The following CFAP58 variants were observed in gnomAD, a reference collection of about 807,000 sequenced individuals.
CFAP58 encodes cilia- and flagella-associated protein 58.
A neutral mutation model predicts 119.5 loss-of-function variants in CFAP58; 88 were observed. The observed-to-expected ratio is 0.74, with a 90% CI of 0.62 to 0.88. The LOEUF is 0.88. Among genes scored for constraint, CFAP58 ranks in the 40% least tolerant of loss-of-function variants. The probability of loss-of-function intolerance (pLI) is 0.00; values close to 1 mark genes in which losing one functional copy is unlikely to be tolerated. For missense variants in CFAP58, 990 were observed against 1,021.2 expected (o/e 0.97, Z 0.42); for synonymous variants, 365 against 366.3 (o/e 1.00, Z 0.04).
At chr10:104,339,711 C>G in the CFAP58 span, among the ~76,000 whole-genome samples, 34 of 152,260 alleles carry the variant, frequency 2.2e-4, no homozygotes, top group African/African-American at 7.9e-4. Flanking sequence ...GCCCAGGGTA[C>G]TTTTGTTTTC....
the CFAP58 span, among the ~76,000 whole-genome samples, chr10:104,340,799 A>C: frequency 6.6e-6 from 1 of 152,172 alleles, no homozygotes; most frequent in East Asian, 1.9e-4. Context: ...GTTAGTATCT[A>C]TTCAGGCCTT....
At chr10:104,419,084 C>A (rs906413434) in intron 15 of CFAP58, among the ~76,000 whole-genome samples, 1 of 152,186 alleles carries the variant, frequency 6.6e-6, no homozygotes, top group Non-Finnish European at 1.5e-5. Flanking sequence ...CTCCTGGGGC[C>A]TGTTTCTTGG....
rs1034381401 is a variant in CFAP58, at chr10:104,375,510, G to T, written c.1091-1301G>T. 2.3e-4 allele frequency among the ~76,000 whole-genome samples: 35 copies of T among 152,244 alleles called. 1 individual carries two copies. The highest frequency in any genetic ancestry group is 7.7e-4 in the African/African-American group (32 of 41,554). On this transcript the variant is annotated intron_variant, in intron 7 of 17. Transcript: ENST00000369704. ...GAGACAGGCAGATCACCTGAGATCA[G>T]GAGTTCGAGACCAGCCTGGCCAACA...
At chr10:104,385,676 G>T (rs959341378) in intron 9 of CFAP58, among the ~76,000 whole-genome samples, 2 of 152,068 alleles carry the variant, frequency 1.3e-5, no homozygotes, top group African/African-American at 4.8e-5. Context: ...GAGAAGATAA[G>T]AGAGAAGAGG....
At position 104,358,614 on chromosome 10, in the gene CFAP58, C is replaced by G; in HGVS notation, c.283C>G (p.Leu95Val). 2 of 1,607,880 alleles carry G rather than the reference C, an allele frequency of 1.2e-6. No individual in the cohort carries two copies. Among genetic ancestry groups the G allele is most frequent in the Admixed American group, 1.7e-5 (1 of 59,110 alleles). ...SQDDQTTIASLKKEIEKAWKM... is the reference protein window; with the variant it reads ...SQDDQTTIASVKKEIEKAWKM... ...GGATGATCAGACCACCATTGCATCC[C>G]TAAAGAAGGTCAGTGATCTTCTAGA... The change falls in exon 2 of 18, where the codon CTA becomes GTA. Residue 95 changes from leucine to valine, a missense_variant. Transcript: ENST00000369704.
intron 15 of CFAP58, among the ~76,000 whole-genome samples, chr10:104,415,174 G>A (rs1425186069): frequency 6.6e-6 from 1 of 152,134 alleles, no homozygotes; most frequent in Non-Finnish European, 1.5e-5. Context: ...AGGTGTCTCA[G>A]TTTGGGTCTC....
chr10:104,430,447 T>C (rs144467921), intron 15 of CFAP58, among the ~76,000 whole-genome samples: 68 of 152,358 alleles, frequency 4.5e-4, no homozygotes, highest in African/African-American at 1.6e-3. Flanking sequence ...ACCTTCTCAC[T>C]TACAGTCTTC....
At chr10:104,406,367 T>C (rs2012359163) in intron 14 of CFAP58, among the ~76,000 whole-genome samples, 1 of 152,192 alleles carries the variant, frequency 6.6e-6, no homozygotes, top group Non-Finnish European at 1.5e-5. Flanking sequence ...GCATAGTATC[T>C]GGATGGTGGC....
At chr10:104,355,965 A>G (rs1483314795) in intron 1 of CFAP58, among the ~76,000 whole-genome samples, 2 of 152,244 alleles carry the variant, frequency 1.3e-5, no homozygotes. Flanking sequence ...AATACCATTT[A>G]CAGGGATGGA....
At chr10:104,376,676 T>C in intron 7 of CFAP58, 135 bp from the exon 8 acceptor site, 1 of 620,302 alleles carries the variant, frequency 1.6e-6, no homozygotes, top group Non-Finnish European at 2.8e-6. Context: ...ATACCAAAGG[T>C]CACATACACT....
Position 104,400,858 on chromosome 10 carries a change from A to T in CFAP58, c.1994A>T (p.Glu665Val), listed in dbSNP as rs772176570. ...CTTGAGATCAAGAAGCTTCGCCGGG[A>T]AAAGGGGATTCTTGCCAGGAGTATG... ...LRLEIKKLRR[E>V]KGILARSMAN... Residue 665 changes from glutamate (E) to valine (V), a missense_variant, in exon 13 of 18, where the codon GAA (glutamate) becomes GTA (valine). Physicochemically the swap from Glu to Val is moderately radical, Grantham distance 121. Coordinates refer to ENST00000369704, the MANE Select transcript of CFAP58 (RefSeq NM_001008723.2). 3.7e-6 allele frequency: 6 copies of T among 1,614,012 alleles called. No homozygotes were observed. Among genetic ancestry groups the T allele is most frequent in the Non-Finnish European group, 5.1e-6 (6 of 1,180,012 alleles).
At chr10:104,387,026 A>T (rs1219857095) in intron 9 of CFAP58, among the ~76,000 whole-genome samples, 4 of 152,220 alleles carry the variant, frequency 2.6e-5, no homozygotes, top group Admixed American at 2.6e-4. Context: ...TGAAGATGCT[A>T]AACTTCTACA....
At chr10:104,348,002 G>A in the CFAP58 span, among the ~76,000 whole-genome samples, 2 of 151,766 alleles carry the variant, frequency 1.3e-5, no homozygotes, top group South Asian at 4.1e-4. Context: ...AGCAATGATT[G>A]ACTTGCTCTT....
In CFAP58 at chr10:104,359,373, A is replaced by G. The variant is rs2014637225; in HGVS notation, c.291+751A>G. Among the ~76,000 whole-genome samples the G allele has an allele frequency of 2.0e-5, 3 of 152,232 alleles. No individual in the cohort carries two copies. The South Asian group carries it at 6.2e-4, about 31-fold the overall frequency. Reference sequence around the variant, plus strand: ...GACCAGTACTAAATAACGATTATCAATTCTCTTAGAAACTACTCACTTTTA... The same window carrying G: ...GACCAGTACTAAATAACGATTATCAGTTCTCTTAGAAACTACTCACTTTTA... On this transcript the variant is annotated intron_variant, in intron 2 of 17. Coordinates refer to ENST00000369704, the MANE Select transcript of CFAP58 (RefSeq NM_001008723.2).
rs1007665086 is a variant in CFAP58 at position 104,386,915 on chromosome 10, T to C, written c.1366-5318T>C. Among the ~76,000 whole-genome samples the C allele has an allele frequency of 2.6e-5, 4 of 152,222 alleles. No individual in the cohort carries two copies. In the South Asian group the frequency reaches 8.3e-4, roughly 32 times the overall value. On this transcript the variant is annotated intron_variant, in intron 9 of 17. Transcript: ENST00000369704. The stretch of plus-strand genomic sequence containing the variant: ...GAATTATCATTGGCATTTTTAGCTG[T>C]GAGTGACTTCCAGACCTGGTCTCTT...
intron 15 of CFAP58, among the ~76,000 whole-genome samples, chr10:104,423,327 T>C (rs143073477): frequency 5.9e-5 from 9 of 152,340 alleles, no homozygotes; most frequent in African/African-American, 2.2e-4. Context: ...AATATATTAG[T>C]TGATAAATTA....
intron 16 of CFAP58, among the ~76,000 whole-genome samples, chr10:104,448,624 TGCCACCCTACTAGTATA>T (rs1402936182): frequency 6.6e-6 from 1 of 152,154 alleles, no homozygotes; most frequent in African/African-American, 2.4e-5. Flanking sequence ...GTAAAATATA[TGCCACCCTACTAGTATA>T]GCCCTAACCC....
At chr10:104,387,478 A>G (rs767698396) in intron 9 of CFAP58, among the ~76,000 whole-genome samples, 1 of 152,220 alleles carries the variant, frequency 6.6e-6, no homozygotes, top group Non-Finnish European at 1.5e-5. Flanking sequence ...GGCTAACATC[A>G]ACAGCAAGGG....
chr10:104,415,553 C>T (rs902060378), intron 15 of CFAP58, among the ~76,000 whole-genome samples: 3 of 152,154 alleles, frequency 2.0e-5, no homozygotes, highest in African/African-American at 7.2e-5. Flanking sequence ...GTGTAAGCTG[C>T]TAGAGCATTC....
Sources: gnomAD v4.1 joint callset for allele counts (sites outside exome capture counted in the v4.1 genomes callset) on GRCh38, gnomAD v4.1.1 for gene constraint, MANE v1.5 for transcripts, NCBI Gene and HGNC (gene_info 2026-07-23, HGNC 2026-07-21) for gene names.